The following PDE10A variants were observed in gnomAD, a reference collection of about 807,000 sequenced individuals.
The protein encoded by PDE10A is phosphodiesterase 10A.
In PDE10A, 39 loss-of-function variants were observed where a neutral mutation model predicts 97.7. The ratio of observed to expected loss-of-function variants is 0.40; its 90% CI spans 0.31 to 0.52. PDE10A has a LOEUF of 0.52. PDE10A is among the 20% of genes least tolerant of loss of function. The pLI, the probability that PDE10A is intolerant of heterozygous loss-of-function variation, is 0.56. For missense variants in PDE10A, 731 were observed against 1,047.8 expected (o/e 0.70, Z 4.17); for synonymous variants, 371 against 376.8 (o/e 0.98, Z 0.18).
At chr6:165,643,001 A>T (rs945704823) in intron 1 of PDE10A, among the ~76,000 whole-genome samples, 2 of 152,148 alleles carry the variant, frequency 1.3e-5, no homozygotes, top group African/African-American at 4.8e-5. Context: ...CCTGTCCACC[A>T]AACAACCTTC....
chr6:165,683,706 C>T (rs960050280), intron 1 of PDE10A, among the ~76,000 whole-genome samples: 3 of 152,216 alleles, frequency 2.0e-5, no homozygotes, highest in African/African-American at 7.2e-5. Flanking sequence ...CCTGAGCTGC[C>T]AGGCTGAGCC....
chr6:165,441,979 C>A (rs1009530412), intron 5 of PDE10A, among the ~76,000 whole-genome samples: 17 of 151,908 alleles, frequency 1.1e-4, no homozygotes, highest in Non-Finnish European at 1.5e-5. Context: ...TAAACATAAT[C>A]CCTCATAATT....
chr6:165,376,934 A>AG (rs1401686822), intron 18 of PDE10A, among the ~76,000 whole-genome samples: 6 of 152,062 alleles, frequency 3.9e-5, no homozygotes, highest in Non-Finnish European at 5.9e-5. Context: ...GGAGAAGAAA[A>AG]CAAATTGCCA....
chr6:165,490,100 G>A (rs1780141811), intron 2 of PDE10A, among the ~76,000 whole-genome samples: 1 of 152,220 alleles, frequency 6.6e-6, no homozygotes, highest in Non-Finnish European at 1.5e-5. Flanking sequence ...AAGAACACCT[G>A]AGACATTCAT....
chr6:165,633,920 A>G (rs1788752624), intron 1 of PDE10A, among the ~76,000 whole-genome samples: 1 of 152,168 alleles, frequency 6.6e-6, no homozygotes, highest in African/African-American at 2.4e-5. Flanking sequence ...AGTGATATAT[A>G]TAACCTGAAT....
At chr6:165,377,310 A>G (rs886274676) in intron 18 of PDE10A, among the ~76,000 whole-genome samples, 4 of 152,186 alleles carry the variant, frequency 2.6e-5, no homozygotes, top group Non-Finnish European at 1.5e-5. Flanking sequence ...AAAATGCCTA[A>G]GATGACATTA....
chr6:165,543,332 T>C, intron 2 of PDE10A, 108 bp downstream of exon 2: 1 of 779,740 alleles, frequency 1.3e-6, no homozygotes. Flanking sequence ...ATTACAGTGT[T>C]AATATTTGTC....
At chr6:165,831,275 G>A (rs368740648) in intron 1 of PDE10A, among the ~76,000 whole-genome samples, 4 of 148,838 alleles carry the variant, frequency 2.7e-5, no homozygotes, top group East Asian at 4.2e-4. Flanking sequence ...GGGAGGCTGA[G>A]GCAGGAGAAT....
At chr6:165,915,966 C>T (rs1386250018) in intron 1 of PDE10A, among the ~76,000 whole-genome samples, 1 of 152,214 alleles carries the variant, frequency 6.6e-6, no homozygotes, top group Non-Finnish European at 1.5e-5. Flanking sequence ...AGAAAAGGAA[C>T]TTTGATATGG....
upstream of PDE10A, among the ~76,000 whole-genome samples, chr6:165,666,720 C>T (rs116677665): frequency 5.7e-3 from 866 of 151,550 alleles, 11 homozygotes; most frequent in African/African-American, 0.02. Context: ...CAATTTTTCT[C>T]ATCCCCAATT....
intron 1 of PDE10A, among the ~76,000 whole-genome samples, chr6:165,763,667 G>C (rs1562724270): frequency 6.6e-6 from 1 of 152,154 alleles, no homozygotes; most frequent in Non-Finnish European, 1.5e-5. Context: ...CCTTTCATAT[G>C]TTTCCATCAT....
chr6:165,545,284 T>G (rs1783684347), intron 1 of PDE10A: 1 of 474,938 alleles, frequency 2.1e-6, no homozygotes, highest in Admixed American at 2.4e-5. Context: ...ATTTTTAATC[T>G]CCAGTCTAGC....
intron 1 of PDE10A, among the ~76,000 whole-genome samples, chr6:165,934,872 T>A (rs920643132): frequency 3.9e-5 from 6 of 152,242 alleles, no homozygotes; most frequent in African/African-American, 1.4e-4. Flanking sequence ...TAGTCTCACA[T>A]TTAGTGTCAA....
intron 3 of PDE10A, among the ~76,000 whole-genome samples, chr6:165,481,241 C>T (rs1779589637): frequency 6.6e-6 from 1 of 152,298 alleles, no homozygotes; most frequent in Non-Finnish European, 1.5e-5. Context: ...ACCCCTCTGT[C>T]ACTTCCTGGT....
chr6:165,894,500 G>C (rs371893498), intron 1 of PDE10A: 1 of 456,064 alleles, frequency 2.2e-6, no homozygotes, highest in South Asian at 1.5e-5. Flanking sequence ...ATAGCCCTTC[G>C]TGTGCAAAAG....
At chr6:165,640,259 A>G (rs1047144991) in intron 1 of PDE10A, among the ~76,000 whole-genome samples, 2 of 152,144 alleles carry the variant, frequency 1.3e-5, no homozygotes, top group African/African-American at 4.8e-5. Context: ...AAAATTTTTT[A>G]AAAATTGCCT....
intron 1 of PDE10A, among the ~76,000 whole-genome samples, chr6:165,693,927 T>G (rs563771480): frequency 1.1e-4 from 17 of 152,348 alleles, no homozygotes; most frequent in African/African-American, 3.4e-4. Context: ...TTTTTCCAGT[T>G]AATATGCAAT....
At chr6:165,596,290 CCCAG>C (rs1786589419) in intron 1 of PDE10A, among the ~76,000 whole-genome samples, 1 of 152,232 alleles carries the variant, frequency 6.6e-6, no homozygotes, top group African/African-American at 2.4e-5. Context: ...CCACCACGGC[CCCAG>C]CCACCACCAG....
chr6:165,761,287 C>T (rs1490784332), intron 1 of PDE10A, among the ~76,000 whole-genome samples: 4 of 152,250 alleles, frequency 2.6e-5, no homozygotes, highest in Non-Finnish European at 4.4e-5. Context: ...GCTAAATATC[C>T]TACTATCCTA....
Sources: gnomAD v4.1 joint callset for allele counts (sites outside exome capture counted in the v4.1 genomes callset) on GRCh38, gnomAD v4.1.1 for gene constraint, MANE v1.5 for transcripts, NCBI Gene and HGNC (gene_info 2026-07-23, HGNC 2026-07-21) for gene names.